COG6: variants seen among roughly 807,000 people sequenced by gnomAD.
The protein encoded by COG6 is component of oligomeric golgi complex 6, also known as conserved oligomeric Golgi complex subunit 6.
A neutral mutation model predicts 88.8 loss-of-function variants in COG6; 74 were observed. The observed-to-expected ratio is 0.83, with a 90% confidence interval of 0.69 to 1.01. The LOEUF is 1.01. COG6 is among the 50% of genes least tolerant of loss of function. COG6 has a pLI of 0.00. For synonymous variants in COG6, 286 were observed against 278.7 expected (o/e 1.03, Z -0.26); for missense variants, 800 against 797.9 (o/e 1.00, Z -0.03).
chr13:39,739,102 A>G (rs903763361), intron 18 of COG6, among the ~76,000 whole-genome samples: 1 of 152,144 alleles, frequency 6.6e-6, no homozygotes. Context: ...TAAAACATTC[A>G]TGAAACTAAT....
chr13:39,764,284 A>G (rs9576898), intron 18 of COG6, among the ~76,000 whole-genome samples: 62,944 of 150,830 alleles, frequency 0.42, 13,452 homozygotes, highest in Admixed American at 0.57. Flanking sequence ...AAGAATTATG[A>G]ATTTTATTTA....
intron 5 of COG6, 70 bp from the exon 6 acceptor site, chr13:39,679,468 G>T: frequency 1.2e-6 from 1 of 856,030 alleles, no homozygotes; most frequent in South Asian, 1.3e-5. Flanking sequence ...CCTTGGTAGT[G>T]ACCTTTCAGT....
downstream of COG6, among the ~76,000 whole-genome samples, chr13:39,752,817 TC>T (rs1880709989): frequency 6.6e-6 from 1 of 152,190 alleles, no homozygotes; most frequent in Non-Finnish European, 1.5e-5. Context: ...TAAGTAATAA[TC>T]TATTAATATA....
chr13:39,724,187 A>G (rs1382073310), intron 16 of COG6, among the ~76,000 whole-genome samples: 1 of 152,040 alleles, frequency 6.6e-6, no homozygotes, highest in Non-Finnish European at 1.5e-5. Flanking sequence ...TAAAAGTATC[A>G]AAGTGAAACT....
At chr13:39,771,780 G>A (rs1461610920) in intron 18 of COG6, among the ~76,000 whole-genome samples, 3 of 152,198 alleles carry the variant, frequency 2.0e-5, no homozygotes, top group Admixed American at 6.5e-5. Context: ...AAATGACCAC[G>A]GGCCCTTCTC....
intron 18 of COG6, among the ~76,000 whole-genome samples, chr13:39,741,197 C>T (rs1880023607): frequency 6.6e-6 from 1 of 152,074 alleles, no homozygotes; most frequent in African/African-American, 2.4e-5. Flanking sequence ...TAGAGATTCT[C>T]TTCTTCAAAG....
intron 13 of COG6, among the ~76,000 whole-genome samples, chr13:39,715,867 A>G (rs1878499098): frequency 6.6e-6 from 1 of 152,024 alleles, no homozygotes; most frequent in African/African-American, 2.4e-5. Context: ...TAAACCATGG[A>G]GAAGAGCACA....
intron 18 of COG6, among the ~76,000 whole-genome samples, chr13:39,777,423 T>C (rs992790373): frequency 7.2e-5 from 11 of 152,206 alleles, no homozygotes; most frequent in Non-Finnish European, 1.5e-4. Flanking sequence ...CTGGAGAGGA[T>C]AGCTACTTGG....
chr13:39,657,215 G>T (rs1441203667), intron 1 of COG6, among the ~76,000 whole-genome samples: 1 of 152,126 alleles, frequency 6.6e-6, no homozygotes, highest in Non-Finnish European at 1.5e-5. Flanking sequence ...ATTTTTATTA[G>T]AGACGGGGTT....
At chr13:39,723,681 G>A (rs1878976223) in intron 16 of COG6, among the ~76,000 whole-genome samples, 1 of 151,950 alleles carries the variant, frequency 6.6e-6, no homozygotes, top group Admixed American at 6.6e-5. Flanking sequence ...CTAAAATATG[G>A]TAGAGTGCCC....
chr13:39,718,614 A>G (rs944740661), intron 13 of COG6, among the ~76,000 whole-genome samples: 2 of 152,116 alleles, frequency 1.3e-5, no homozygotes, highest in Non-Finnish European at 2.9e-5. Flanking sequence ...CTTGCTGAAG[A>G]TTACACAACT....
At chr13:39,674,235 C>T (rs1029234339) in intron 4 of COG6, among the ~76,000 whole-genome samples, 2 of 150,808 alleles carry the variant, frequency 1.3e-5, no homozygotes, top group Non-Finnish European at 1.5e-5. Flanking sequence ...CGACAGGCCC[C>T]GGTATCACAC....
chr13:39,723,145 C>T (rs537148047), intron 15 of COG6, among the ~76,000 whole-genome samples, 188 bp from the exon 16 acceptor site: 141 of 152,054 alleles, frequency 9.3e-4, no homozygotes, highest in African/African-American at 2.9e-3. Context: ...TAGAATCCTC[C>T]TTGTTTATAA....
At chr13:39,742,763 A>T (rs1408326573) in intron 18 of COG6, among the ~76,000 whole-genome samples, 1 of 152,176 alleles carries the variant, frequency 6.6e-6, no homozygotes, top group Non-Finnish European at 1.5e-5. Context: ...CCTAATAGAC[A>T]TCTACAGAAC....
rs1478778586 is a variant in COG6, at chr13:39,660,928, A to G, written c.369+47A>G. 4 of 1,115,706 alleles carry G rather than the reference A, an allele frequency of 3.6e-6. No homozygotes were observed. In the African/African-American group the frequency reaches 6.1e-5, roughly 17 times the overall value. 69.1% of individuals were successfully genotyped at this position (1,115,706 alleles called of 1,614,324 possible). A position where few individuals can be genotyped will look rare whatever the true frequency, so the allele number is the denominator to read the frequency against. On this transcript the variant is annotated intron_variant, in intron 3 of 18. Coordinates refer to ENST00000455146, the MANE Select transcript of COG6 (RefSeq NM_020751.3). ...TTGGCATAGTTCCTGATATAAACTT[A>G]CAAAAATTATTATTGACAAAATGTG...
intron 18 of COG6, among the ~76,000 whole-genome samples, chr13:39,738,160 A>AT (rs555213424): frequency 4.7e-4 from 72 of 152,192 alleles, no homozygotes; most frequent in African/African-American, 1.6e-3. Context: ...TAGGAAGGTG[A>AT]TTTTTTGTGT....
At chr13:39,703,655 T>C (rs992449477) in intron 13 of COG6, among the ~76,000 whole-genome samples, 3 of 152,152 alleles carry the variant, frequency 2.0e-5, no homozygotes, top group Admixed American at 6.6e-5. Context: ...ATTTAGAATT[T>C]AATATATAAT....
At chr13:39,750,284 CAG>C (rs1183812916) in intron 18 of COG6, among the ~76,000 whole-genome samples, 1 of 152,126 alleles carries the variant, frequency 6.6e-6, no homozygotes, top group Non-Finnish European at 1.5e-5. Context: ...TGGAACTATG[CAG>C]AGAGTTGTTG....
At chr13:39,761,121 T>A (rs1169103068) in intron 18 of COG6, among the ~76,000 whole-genome samples, 2 of 152,080 alleles carry the variant, frequency 1.3e-5, no homozygotes, top group Non-Finnish European at 2.9e-5. Context: ...GATATCTTTA[T>A]AAGATTAATC....
Sources: gnomAD v4.1 joint callset for allele counts (sites outside exome capture counted in the v4.1 genomes callset) on GRCh38, gnomAD v4.1.1 for gene constraint, MANE v1.5 for transcripts, NCBI Gene and HGNC (gene_info 2026-07-23, HGNC 2026-07-21) for gene names.